The following CYB561 variants were observed in gnomAD, a reference collection of about 807,000 sequenced individuals.
CYB561 encodes the protein cytochrome b561, also known as transmembrane ascorbate-dependent reductase CYB561.
Under a neutral mutation model 25.3 loss-of-function variants are expected in CYB561, and 11 were observed. That is an observed-to-expected ratio of 0.44 (90% confidence interval 0.27 to 0.72). The LOEUF (loss-of-function observed/expected upper bound fraction) is 0.72, where lower values mean the gene tolerates loss of function less well. CYB561 is among the 30% of genes least tolerant of loss of function. CYB561 has a pLI of 0.18. For synonymous variants in CYB561, 165 were observed against 158.8 expected (o/e 1.04, Z -0.29); for missense variants, 295 against 334.9 (o/e 0.88, Z 0.93).
chr17:63,440,383 C>T (rs1380362748), intron 1 of CYB561, among the ~76,000 whole-genome samples: 2 of 152,306 alleles, frequency 1.3e-5, no homozygotes, highest in Admixed American at 1.3e-4. Context: ...TCACTTCCCT[C>T]CTGAGCATCC....
chr17:63,444,403 T>C (rs948047252), intron 1 of CYB561, among the ~76,000 whole-genome samples: 4 of 152,200 alleles, frequency 2.6e-5, no homozygotes, highest in African/African-American at 4.8e-5. Context: ...AGCTACCTTA[T>C]TGAACACAGA....
At chr17:63,438,319 T>C (rs1436964379) in intron 1 of CYB561, 55 of 948,594 alleles carry the variant, frequency 5.8e-5, no homozygotes, top group Non-Finnish European at 8.1e-5. Context: ...GTCACACCTT[T>C]TCTCCAGACG....
At position 63,434,534 on chromosome 17, in the gene CYB561, C is replaced by T. The variant is rs1317011746; in HGVS notation, c.624G>A (p.Leu208=). ...AGAGCACCGCCCCACCGAAGCAGGCCAGCAGCAGGCCCAGCACGTTGGCCA... is the reference window on the plus strand; with the variant it reads ...AGAGCACCGCCCCACCGAAGCAGGCTAGCAGCAGGCCCAGCACGTTGGCCA... The part of the protein sequence containing the change: ...GVLANVLGLL[L]ACFGGAVLYI... The change falls in exon 6 of 6, where the codon CTG becomes CTA. Residue 208 remains leucine (L), a synonymous_variant. Coordinates refer to ENST00000360793, the MANE Select transcript of CYB561 (RefSeq NM_001915.4). 1 of 1,613,424 alleles carries T rather than the reference C, an allele frequency of 6.2e-7. No individual in the cohort carries two copies. The highest frequency in any genetic ancestry group is 8.5e-7 in the Non-Finnish European group (1 of 1,179,986).
Position 63,434,425 on chromosome 17 carries a change from C to G in CYB561, c.733G>C (p.Gly245Arg). 6.3e-7 allele frequency: 1 copy of G among 1,583,326 alleles called. No homozygotes were observed. The highest frequency in any genetic ancestry group is 8.6e-7 in the Non-Finnish European group (1 of 1,164,398). ...LSMDFKTLTE[G>R]DSPGSQ is the part of the protein sequence containing the mutation. ...CATCACTGGGAGCCGGGGCTATCTC[C>G]CTCCGTCAGCGTCTTGAAGTCCATG... Residue 245 changes from glycine to arginine, a missense_variant, in exon 6 of 6, where the codon GGA becomes CGA. By Grantham distance (125) the Gly-to-Arg change is moderately radical (BLOSUM62 -2). Coordinates refer to ENST00000360793, the MANE Select transcript of CYB561 (RefSeq NM_001915.4).
At chr17:63,437,656 G>GC in intron 1 of CYB561, 96 bp from the exon 2 acceptor site, 3 of 917,798 alleles carry the variant, frequency 3.3e-6, no homozygotes, top group Non-Finnish European at 3.1e-6. Flanking sequence ...ATGCGCACAG[G>GC]CCCCCCGAGA....
In CYB561 at chr17:63,438,202, A is replaced by G. The variant is rs1276693950; in HGVS notation, c.-13-642T>C. 2.6e-6 allele frequency: 4 copies of G among 1,535,536 alleles called. No homozygotes were observed. The African/African-American group carries it at 5.5e-5, about 21-fold the overall frequency. ...CAAATTCTAGTGAGCTCAAGGGCCC[A>G]GTGCCCGGCTTTGTTTTCTGTTTCA... is the stretch of plus-strand genomic sequence containing the variant. On this transcript the variant is annotated intron_variant, in intron 1 of 5. Transcript: ENST00000360793.
At position 63,437,399 on chromosome 17, in the gene CYB561, A is replaced by G; in HGVS notation, c.149T>C (p.Phe50Ser). The G allele has an allele frequency of 6.2e-7, 1 of 1,614,050 alleles. No individual in the cohort carries two copies. Among genetic ancestry groups the G allele is most frequent in the Non-Finnish European group, 8.5e-7 (1 of 1,179,998 alleles). ...GACCATGCAGAGGGGGTGCGCGTTG[A>G]ACTGCAGGTCGCTCTCCCAGGCAAT... is the stretch of plus-strand genomic sequence containing the variant. ...GGIAWESDLQ[F>S]NAHPLCMVIG... is the part of the protein sequence containing the mutation. Residue 50 changes from phenylalanine (F) to serine (S), a missense_variant, in exon 2 of 6, where the codon TTC becomes TCC. Physicochemically the swap from Phe to Ser is radical, Grantham distance 155. Coordinates refer to ENST00000360793, the MANE Select transcript of CYB561 (RefSeq NM_001915.4).
At chr17:63,446,194 C>T (rs2049422163) in intron 1 of CYB561, 51 bp downstream of exon 1, 1 of 152,088 alleles carries the variant, frequency 6.6e-6, no homozygotes, top group Non-Finnish European at 1.5e-5. Flanking sequence ...TGGGCCGCCC[C>T]CGCCCCGCAC....
intron 1 of CYB561, among the ~76,000 whole-genome samples, chr17:63,443,109 G>C (rs1452451937): frequency 6.6e-6 from 1 of 152,206 alleles, no homozygotes; most frequent in Non-Finnish European, 1.5e-5. Flanking sequence ...AATTGCCCTA[G>C]AGCGTCCTAG....
chr17:63,442,522 T>C (rs1467410042), intron 1 of CYB561, among the ~76,000 whole-genome samples: 2 of 152,136 alleles, frequency 1.3e-5, no homozygotes, highest in African/African-American at 4.8e-5. Flanking sequence ...CACCGGCTGT[T>C]CTTGGGCCCT....
chr17:63,436,240 G>A lies in CYB561; in HGVS notation c.203-88C>T. The A allele has an allele frequency of 6.7e-7, 1 of 1,496,830 alleles. No homozygotes were observed. The highest frequency in any genetic ancestry group is 1.2e-5 in the South Asian group (1 of 81,132). The allele number at this position is 1,496,830 out of a possible 1,614,324, so 92.7% of individuals were successfully genotyped here. ...CAGCAAGGAGGCACCTTGGTGGAGA[G>A]GTGATGTGAGCTGACGGCTTGTAAC... On this transcript the variant is annotated intron_variant, in intron 2 of 5. Coordinates refer to ENST00000360793, the MANE Select transcript of CYB561 (RefSeq NM_001915.4). The surrounding 1 kb of genome is among the most constrained non-coding windows in gnomAD (Gnocchi z 4.8).
At chr17:63,445,380 CTTTTTTTTT>C (rs558247824) in intron 1 of CYB561, among the ~76,000 whole-genome samples, 2 of 128,534 alleles carry the variant, frequency 1.6e-5, no homozygotes, top group African/African-American at 6.0e-5. Context: ...GGTGGCAAAG[CTTTTTTTTT>C]TTTTTTTTCA....
intron 1 of CYB561, among the ~76,000 whole-genome samples, chr17:63,440,383 C>A (rs1380362748): frequency 6.6e-6 from 1 of 152,188 alleles, no homozygotes; most frequent in Non-Finnish European, 1.5e-5. Context: ...TCACTTCCCT[C>A]CTGAGCATCC....
rs1375381740 is a variant in CYB561, at chr17:63,433,272, C to T, written c.*1130G>A. 7 of 397,728 alleles carry T rather than the reference C, an allele frequency of 1.8e-5. No homozygotes were observed. Among genetic ancestry groups the T allele is most frequent in the Admixed American group, 4.4e-5 (1 of 22,690 alleles). The allele number at this position is 397,728 out of a possible 1,614,324, so 24.6% of individuals were successfully genotyped here. A position where few individuals can be genotyped will look rare whatever the true frequency, so the allele number is the denominator to read the frequency against. ...CAGGATGGTCTTGATCTCCTGGCCT[C>T]GCACACGATCAGTGTTCTAATCACA... On this transcript the variant is annotated 3_prime_UTR_variant, in exon 6 of 6. Coordinates refer to ENST00000360793, the MANE Select transcript of CYB561 (RefSeq NM_001915.4).
chr17:63,438,467 C>T (rs2049339833), intron 1 of CYB561, among the ~76,000 whole-genome samples: 1 of 151,006 alleles, frequency 6.6e-6, no homozygotes, highest in Non-Finnish European at 1.5e-5. Flanking sequence ...CCCCGCCCGC[C>T]CCCCACCCCG....
intron 2 of CYB561, chr17:63,437,049 C>A: frequency 2.1e-6 from 1 of 476,646 alleles, no homozygotes. Context: ...TGCAGCAGGG[C>A]CTGGCTCGGA....
In CYB561 at chr17:63,434,265, A is replaced by G. The variant is rs2049267173; in HGVS notation, c.*137T>C. 2 of 711,578 alleles carry G rather than the reference A, an allele frequency of 2.8e-6. No homozygotes were observed. The highest frequency in any genetic ancestry group is 2.7e-5 in the East Asian group (1 of 36,728). The allele number at this position is 711,578 out of a possible 1,614,324, so 44.1% of individuals were successfully genotyped here. A position where few individuals can be genotyped will look rare whatever the true frequency, so the allele number is the denominator to read the frequency against. On this transcript the variant is annotated 3_prime_UTR_variant, in exon 6 of 6. Coordinates refer to ENST00000360793, the MANE Select transcript of CYB561 (RefSeq NM_001915.4). ...AGGCGGAGACCTGACCCCAGAAAGC[A>G]GCACTCAAACAGATGCAGCTGCACC...
rs528748393 is a variant in CYB561 at position 63,445,091 on chromosome 17, G to A, written c.-14+1154C>T. 4.5e-3 allele frequency among the ~76,000 whole-genome samples: 689 copies of A among 152,212 alleles called. 3 individuals carry two copies. Among genetic ancestry groups the A allele is most frequent in the Non-Finnish European group, 7.7e-3 (522 of 67,996 alleles). On this transcript the variant is annotated intron_variant, in intron 1 of 5. Coordinates refer to ENST00000360793, the MANE Select transcript of CYB561 (RefSeq NM_001915.4). Reference sequence around the variant, plus strand: ...CTAGGGAGGCTGGAACAGGAGAATCGCTTGAACCCGGAAGATGGAGGTTGC... The same window carrying A: ...CTAGGGAGGCTGGAACAGGAGAATCACTTGAACCCGGAAGATGGAGGTTGC...
rs765309403 is a variant in CYB561 at position 63,437,544 on chromosome 17, C to CG, written c.3_4insC (p.Glu2ArgfsTer79). On this transcript the variant is annotated frameshift_variant, in exon 2 of 6. Transcript: ENST00000360793. LOFTEE classifies it high-confidence loss of function. ...GGGGTGGCTGCCGCGGCCCCGCCCTCCATGCTGAGGCAAACGCTGCAAGAA... is the reference window on the plus strand; with the variant it reads ...GGGGTGGCTGCCGCGGCCCCGCCCTCGCATGCTGAGGCAAACGCTGCAAGAA... 1 of 1,608,642 alleles carries CG rather than the reference C, an allele frequency of 6.2e-7. No homozygotes were observed. Among genetic ancestry groups the CG allele is most frequent in the South Asian group, 1.1e-5 (1 of 90,988 alleles).
Sources: allele counts gnomAD v4.1 joint callset (sites outside exome capture counted in the v4.1 genomes callset), GRCh38; gene constraint gnomAD v4.1.1; non-coding constraint Gnocchi (gnomAD v3.1); transcripts MANE v1.5; gene names NCBI Gene and HGNC (gene_info 2026-07-23, HGNC 2026-07-21).